PTPN4: variants seen among roughly 807,000 people sequenced by gnomAD.
PTPN4 encodes tyrosine-protein phosphatase non-receptor type 4.
Under a neutral mutation model 135.5 loss-of-function variants are expected in PTPN4, and 49 were observed. That is an observed-to-expected ratio of 0.36 (90% CI 0.29 to 0.46). The LOEUF is 0.46. Ranked by LOEUF, PTPN4 falls within the 20% of genes least tolerant of loss-of-function variation. The probability of loss-of-function intolerance (pLI) is 1.00; values close to 1 mark genes in which losing one functional copy is unlikely to be tolerated. For synonymous variants in PTPN4, 333 were observed against 369.9 expected, an observed-to-expected ratio of 0.90 and a Z score of 1.14; for missense variants, 860 against 1,101.0, an observed-to-expected ratio of 0.78 and a Z score of 3.10.
chr2:119,930,541 G>A (rs1422872033), intron 13 of PTPN4, among the ~76,000 whole-genome samples: 3 of 152,088 alleles, frequency 2.0e-5, no homozygotes, highest in Non-Finnish European at 4.4e-5. Context: ...AACATAAGAG[G>A]TCTGTCTAAT....
chr2:119,766,443 T>TGCGC (rs145798313), intron 1 of PTPN4, among the ~76,000 whole-genome samples: 2,318 of 109,728 alleles, frequency 0.021, 29 homozygotes, highest in African/African-American at 0.03. Flanking sequence ...TATGCGCATG[T>TGCGC]GCGCGCGTGT....
intron 9 of PTPN4, among the ~76,000 whole-genome samples, chr2:119,886,769 A>T (rs1678160006): frequency 1.3e-5 from 2 of 152,224 alleles, no homozygotes; most frequent in South Asian, 4.1e-4. Flanking sequence ...TACTTCATGT[A>T]ATGGTTTTAT....
At chr2:119,915,056 G>A in intron 10 of PTPN4, 123 bp from the exon 11 acceptor site, 2 of 769,896 alleles carry the variant, frequency 2.6e-6, no homozygotes, top group South Asian at 2.8e-5. Flanking sequence ...TATGTACTAT[G>A]TGTATGTATA....
chr2:119,815,331 ATCTG>A (rs1676968771), intron 2 of PTPN4, among the ~76,000 whole-genome samples: 1 of 152,194 alleles, frequency 6.6e-6, no homozygotes, highest in African/African-American at 2.4e-5. Flanking sequence ...CTGTTTATGT[ATCTG>A]ACTAGTATTA....
At chr2:119,778,070 G>C (rs1690871724) in intron 1 of PTPN4, among the ~76,000 whole-genome samples, 1 of 151,876 alleles carries the variant, frequency 6.6e-6, no homozygotes, top group African/African-American at 2.4e-5. Flanking sequence ...TTTTTGCTAG[G>C]GAAGAGAGGA....
chr2:119,930,581 TATC>T (rs972648782), intron 13 of PTPN4, among the ~76,000 whole-genome samples: 27 of 152,258 alleles, frequency 1.8e-4, no homozygotes, highest in African/African-American at 6.5e-4. Context: ...TCAGAGTCCT[TATC>T]ATTATTTTAA....
intron 1 of PTPN4, among the ~76,000 whole-genome samples, chr2:119,788,993 C>G (rs1415051171): frequency 6.6e-6 from 1 of 152,136 alleles, no homozygotes; most frequent in Non-Finnish European, 1.5e-5. Flanking sequence ...AGGAACAACT[C>G]TACTGTTTTC....
chr2:119,919,594 A>T (rs936687295), intron 11 of PTPN4, among the ~76,000 whole-genome samples: 3 of 152,120 alleles, frequency 2.0e-5, no homozygotes, highest in Non-Finnish European at 4.4e-5. Context: ...AGGCCAAGGC[A>T]GGTAGATCAC....
intron 10 of PTPN4, among the ~76,000 whole-genome samples, chr2:119,912,398 C>T (rs1482762214): frequency 6.6e-6 from 1 of 152,012 alleles, no homozygotes; most frequent in Non-Finnish European, 1.5e-5. Context: ...GTCACACTTA[C>T]CAAAGTATAT....
chr2:119,878,971 T>C (rs183119833), intron 5 of PTPN4, among the ~76,000 whole-genome samples: 3,610 of 151,478 alleles, frequency 0.024, 134 homozygotes, highest in African/African-American at 0.078. Flanking sequence ...CAGGCGCCTG[T>C]AGTCCCAGCT....
intron 2 of PTPN4, among the ~76,000 whole-genome samples, chr2:119,861,651 T>G (rs1469027390): frequency 6.6e-6 from 1 of 152,232 alleles, no homozygotes; most frequent in East Asian, 1.9e-4. Context: ...TTGGATTTTA[T>G]TTTGGGGGTT....
rs542130974 is a variant in PTPN4, at chr2:119,971,232, GAGAC to G, written c.2694+3264_2694+3267del. Reference sequence around the variant, plus strand: ...AGGTCTTCACATGGCCGGCGGGAGAGAGACAGAGAAAGAAGCAGGAGGTGCTGCA... The same window carrying G: ...AGGTCTTCACATGGCCGGCGGGAGAGAGAGAAAGAAGCAGGAGGTGCTGCA... On this transcript the variant is annotated intron_variant, in intron 26 of 26. Coordinates refer to ENST00000263708, the MANE Select transcript of PTPN4 (RefSeq NM_002830.4). 3.6e-3 allele frequency among the ~76,000 whole-genome samples: 546 copies of G among 152,286 alleles called. 3 individuals are homozygous for G. Among genetic ancestry groups the G allele is most frequent in the African/African-American group, 0.013 (523 of 41,546 alleles).
chr2:119,946,733 T>G (rs1679140285), intron 18 of PTPN4, 159 bp downstream of exon 18: 2 of 601,590 alleles, frequency 3.3e-6, no homozygotes, highest in Admixed American at 7.0e-5. Context: ...GGAAGTTAGT[T>G]TTGACTTGTT....
At chr2:119,815,792 A>T (rs1676976507) in intron 2 of PTPN4, among the ~76,000 whole-genome samples, 1 of 152,190 alleles carries the variant, frequency 6.6e-6, no homozygotes, top group African/African-American at 2.4e-5. Flanking sequence ...TTCTATTTAG[A>T]AAGATTTTCA....
intron 2 of PTPN4, among the ~76,000 whole-genome samples, chr2:119,832,531 C>A (rs868592356): frequency 6.6e-6 from 1 of 152,050 alleles, no homozygotes. Flanking sequence ...ATAATTTCTT[C>A]TAGAAATTTT....
At chr2:119,881,645 CTACTT>C (rs1330403626) in intron 5 of PTPN4, 136 bp from the exon 6 acceptor site, 11 of 531,590 alleles carry the variant, frequency 2.1e-5, no homozygotes, top group Admixed American at 3.9e-5. Flanking sequence ...TATTTTTAAA[CTACTT>C]TACATGTTTT....
intron 3 of PTPN4, among the ~76,000 whole-genome samples, chr2:119,875,852 C>T (rs1677975966): frequency 6.6e-6 from 1 of 151,516 alleles, no homozygotes; most frequent in Admixed American, 6.6e-5. Flanking sequence ...AGGAGTCAGA[C>T]AAAAAAAGAC....
At chr2:119,862,863 C>T (rs1158430222) in intron 3 of PTPN4, among the ~76,000 whole-genome samples, 1 of 151,976 alleles carries the variant, frequency 6.6e-6, no homozygotes, top group Non-Finnish European at 1.5e-5. Flanking sequence ...GGTAATGTCA[C>T]TTTCATTAAT....
Position 119,981,778 on chromosome 2 carries a change from A to G in PTPN4, c.*4708A>G, listed in dbSNP as rs1269598844. The G allele has an allele frequency of 6.6e-6, 1 of 152,142 alleles. No homozygotes were observed. The highest frequency in any genetic ancestry group is 1.5e-5 in the Non-Finnish European group (1 of 67,998). The allele number at this position is 152,142 out of a possible 1,614,324, so 9.4% of individuals were successfully genotyped here. On this transcript the variant is annotated 3_prime_UTR_variant, in exon 27 of 27. Transcript: ENST00000263708. Reference sequence around the variant, plus strand: ...ACAAACAGCAATCTCTGTTTCTGCCAGAAGTTAGATATTTTTTTATAGTCC... The same window carrying G: ...ACAAACAGCAATCTCTGTTTCTGCCGGAAGTTAGATATTTTTTTATAGTCC...
Sources: allele counts gnomAD v4.1 joint callset (sites outside exome capture counted in the v4.1 genomes callset), GRCh38; gene constraint gnomAD v4.1.1; transcripts MANE v1.5; gene names NCBI Gene and HGNC (gene_info 2026-07-23, HGNC 2026-07-21).